The following CCDC110 variants were observed in gnomAD, a reference collection of about 807,000 sequenced individuals.
CCDC110 encodes the protein coiled-coil domain-containing protein 110.
A neutral mutation model predicts 77.1 loss-of-function variants in CCDC110; 70 were observed. The ratio of observed to expected loss-of-function variants is 0.91; its 90% CI spans 0.75 to 1.11. The LOEUF (loss-of-function observed/expected upper bound fraction) is 1.11, where lower values mean the gene tolerates loss of function less well. CCDC110 is among the 50% of genes least tolerant of loss of function. CCDC110 has a pLI of 0.00. For synonymous variants in CCDC110, 295 were observed against 312.5 expected, an observed-to-expected ratio of 0.94 and a Z score of 0.59; for missense variants, 868 against 942.9, an observed-to-expected ratio of 0.92 and a Z score of 1.04.
intron 6 of CCDC110, among the ~76,000 whole-genome samples, chr4:185,454,675 C>G (rs2095633688): frequency 2.0e-5 from 3 of 152,056 alleles, no homozygotes; most frequent in African/African-American, 4.8e-5. Flanking sequence ...GATCAGGCCA[C>G]TGCACTCCAG....
At position 185,471,665 on chromosome 4, in the gene CCDC110, A is replaced by T. The variant is rs1484359746; in HGVS notation, c.10+9T>A. The T allele has an allele frequency of 6.4e-7, 1 of 1,560,384 alleles. No individual in the cohort carries two copies. The highest frequency in any genetic ancestry group is 8.6e-7 in the Non-Finnish European group (1 of 1,157,586). ...CTCCCCTAGGAGCCCCGCCCCGTCCAACTCTTACCCGGGCTCATCGCCGCG... is the reference window on the plus strand; with the variant it reads ...CTCCCCTAGGAGCCCCGCCCCGTCCTACTCTTACCCGGGCTCATCGCCGCG... On this transcript the variant is annotated intron_variant, in intron 1 of 6. Coordinates refer to ENST00000307588, the MANE Select transcript of CCDC110 (RefSeq NM_152775.4).
Position 185,459,535 on chromosome 4 carries a change from C to A in CCDC110, c.1052G>T (p.Gly351Val). The A allele has an allele frequency of 6.2e-7, 1 of 1,612,886 alleles. No individual in the cohort carries two copies. Among genetic ancestry groups the A allele is most frequent in the South Asian group, 1.1e-5 (1 of 90,894 alleles). ...KKLSKSEMHR[G>V]KKNEKNNKEI... ...TTTATTGTTTTTCTCATTTTTCTTT[C>A]CCCTGTGCATTTCACTCTTAGATAA... Residue 351 changes from glycine (G) to valine (V), a missense_variant, in exon 6 of 7, where the codon GGA becomes GTA. Gly to Val is a moderately radical substitution (Grantham distance 109, BLOSUM62 -3). Transcript: ENST00000307588.
At position 185,464,838 on chromosome 4, in the gene CCDC110, A is replaced by AT. The variant is rs201233841; in HGVS notation, c.116-1790dup. Reference sequence around the variant, plus strand: ...AGTGGAAATTATTTCTAGTATTTGGATTTTTTTTTACTACATGAGAGATAT... The same window carrying AT: ...AGTGGAAATTATTTCTAGTATTTGGATTTTTTTTTTACTACATGAGAGATAT... On this transcript the variant is annotated intron_variant, in intron 2 of 6. Transcript: ENST00000307588. Among the ~76,000 whole-genome samples, 428 of 151,832 alleles carry AT rather than the reference A, an allele frequency of 2.8e-3. 1 individual carries two copies. The highest frequency in any genetic ancestry group is 9.4e-3 in the African/African-American group (388 of 41,448).
chr4:185,452,910 A>G (rs970242169), intron 6 of CCDC110, among the ~76,000 whole-genome samples: 50 of 145,762 alleles, frequency 3.4e-4, no homozygotes, highest in African/African-American at 5.7e-4. Flanking sequence ...AAAAAAAAAA[A>G]AGCCAGGTTC....
chr4:185,459,964 G>A lies in CCDC110; in HGVS notation c.623C>T (p.Pro208Leu), dbSNP rs1011208413. The stretch of plus-strand genomic sequence containing the variant: ...ATCAGCTTGAGACATCACATTTGGA[G>A]GTGCAGTAGGTAGAAAACGATAAAA... ...NNFYRFLPTA[P>L]PNVMSQADTV... The change falls in exon 6 of 7, where the codon CCT (proline) becomes CTT (leucine). Residue 208 changes from proline (P) to leucine (L), a missense_variant. Pro to Leu is a moderately conservative substitution (Grantham distance 98). Coordinates refer to ENST00000307588, the MANE Select transcript of CCDC110 (RefSeq NM_152775.4). 1.9e-6 allele frequency: 3 copies of A among 1,613,536 alleles called. No homozygotes were observed. Among genetic ancestry groups the A allele is most frequent in the Non-Finnish European group, 2.5e-6 (3 of 1,179,748 alleles).
rs187410725 is a variant in CCDC110 at position 185,452,384 on chromosome 4, G to A, written c.2461+5742C>T. The A allele has an allele frequency of 2.0e-4, 200 of 985,308 alleles. No individual in the cohort carries two copies. In the African/African-American group the frequency reaches 3.2e-3, roughly 16 times the overall value. 61.0% of individuals were successfully genotyped at this position (985,308 alleles called of 1,614,324 possible). On this transcript the variant is annotated intron_variant, in intron 6 of 6. Transcript: ENST00000307588. ...GTTCAAGGCTCAAATCTGAAACAAT[G>A]ATTGTGGATGTTGACATAACATGGA...
chr4:185,449,770 C>T, intron 6 of CCDC110: 1 of 545,066 alleles, frequency 1.8e-6, no homozygotes, highest in South Asian at 3.2e-5. Flanking sequence ...AATTCTGCAA[C>T]TCTAATTCTC....
At position 185,459,821 on chromosome 4, in the gene CCDC110, G is replaced by A; in HGVS notation, c.766C>T (p.His256Tyr). The A allele has an allele frequency of 1.2e-6, 2 of 1,613,464 alleles. No homozygotes were observed. The highest frequency in any genetic ancestry group is 1.7e-6 in the Non-Finnish European group (2 of 1,179,848). ...TTTGTAAGTGCCACTTCCCCATCAT[G>A]TGACTTTTGAAGCTCTTCTTTCATT... Reference protein sequence around the residue: ...KQMKEELQKSHDGEVALTNEL... With the variant: ...KQMKEELQKSYDGEVALTNEL... Residue 256 changes from histidine to tyrosine, a missense_variant, in exon 6 of 7, where the codon CAT becomes TAT. By Grantham distance (83) the His-to-Tyr change is moderately conservative (BLOSUM62 2). Transcript: ENST00000307588.
At chr4:185,470,560 A>G in intron 2 of CCDC110, 1 of 417,984 alleles carries the variant, frequency 2.4e-6, no homozygotes, top group Non-Finnish European at 4.8e-6. Context: ...TGTGTGTCCA[A>G]AAAACTCAAC....
chr4:185,460,126 A>G lies in CCDC110; in HGVS notation c.461T>C (p.Leu154Pro). Reference sequence around the variant, plus strand: ...GGATGGAACATTTACACTTTGAGGGAGACTGTTCACACTATCACCACTTAA... The same window carrying G: ...GGATGGAACATTTACACTTTGAGGGGGACTGTTCACACTATCACCACTTAA... ...EKLSGDSVNSLPQSVNVPSQI... is the reference protein window; with the variant it reads ...EKLSGDSVNSPPQSVNVPSQI... The change falls in exon 6 of 7, where the codon CTC becomes CCC. Residue 154 changes from leucine (L) to proline (P), a missense_variant. Transcript: ENST00000307588. 1 of 1,613,518 alleles carries G rather than the reference A, an allele frequency of 6.2e-7. No homozygotes were observed. The highest frequency in any genetic ancestry group is 8.5e-7 in the Non-Finnish European group (1 of 1,179,878).
At chr4:185,455,798 G>A (rs1388929026) in intron 6 of CCDC110, among the ~76,000 whole-genome samples, 4 of 152,086 alleles carry the variant, frequency 2.6e-5, no homozygotes, top group Non-Finnish European at 5.9e-5. Context: ...CAGGAGAATT[G>A]CTGGAACCCA....
intron 6 of CCDC110, 69 bp from the exon 7 acceptor site, chr4:185,445,611 A>G: frequency 2.9e-6 from 3 of 1,018,796 alleles, no homozygotes; most frequent in Non-Finnish European, 4.4e-6. Context: ...GAGAAAAAGT[A>G]TATTATCAAG....
intron 6 of CCDC110, among the ~76,000 whole-genome samples, chr4:185,454,906 G>T (rs1232247983): frequency 6.6e-6 from 1 of 151,998 alleles, no homozygotes; most frequent in Non-Finnish European, 1.5e-5. Context: ...GGGACTACAG[G>T]TATGTACCAC....
intron 6 of CCDC110, among the ~76,000 whole-genome samples, chr4:185,450,951 C>T (rs1487284746): frequency 6.6e-6 from 1 of 151,976 alleles, no homozygotes; most frequent in African/African-American, 2.4e-5. Flanking sequence ...GTGTCCCCAC[C>T]CAAATCTCAT....
chr4:185,451,018 A>T (rs1289946711), intron 6 of CCDC110, among the ~76,000 whole-genome samples: 1 of 152,078 alleles, frequency 6.6e-6, no homozygotes, highest in Non-Finnish European at 1.5e-5. Flanking sequence ...GGTAGGAGTT[A>T]ATTCAATCAT....
chr4:185,456,575 A>G (rs2153319785), intron 6 of CCDC110, among the ~76,000 whole-genome samples: 1 of 152,342 alleles, frequency 6.6e-6, no homozygotes, highest in African/African-American at 2.4e-5. Flanking sequence ...GGACATCGCT[A>G]CAAGTCCTTT....
intron 6 of CCDC110, chr4:185,452,472 AAGTT>A (rs1452353621): frequency 2.4e-5 from 16 of 678,032 alleles, no homozygotes; most frequent in Non-Finnish European, 2.9e-5. Flanking sequence ...ACTGGAGAGA[AAGTT>A]AAGCAGTAGC....
chr4:185,445,187 T>C lies in CCDC110; in HGVS notation c.*315A>G. The C allele has an allele frequency of 1.4e-6, 2 of 1,379,760 alleles. No individual in the cohort carries two copies. The highest frequency in any genetic ancestry group is 2.0e-6 in the Non-Finnish European group (2 of 1,007,048). The allele number at this position is 1,379,760 out of a possible 1,614,324, so 85.5% of individuals were successfully genotyped here. A position where few individuals can be genotyped will look rare whatever the true frequency, so the allele number is the denominator to read the frequency against. ...AAGAAAAAATTGTTTCCAACTTTTA[T>C]ACTTCTTCAAAATAGTATCTTTTAT... On this transcript the variant is annotated 3_prime_UTR_variant, in exon 7 of 7. Transcript: ENST00000307588.
In CCDC110 at chr4:185,458,160, A is replaced by G. The variant is rs777761796; in HGVS notation, c.2427T>C (p.Ser809=). The G allele has an allele frequency of 6.3e-7, 1 of 1,587,398 alleles. No homozygotes were observed. The highest frequency in any genetic ancestry group is 1.2e-5 in the South Asian group (1 of 85,330). ...FDNYTHEDTS[S]PQSRPLASDL... The stretch of plus-strand genomic sequence containing the variant: ...CCGAAGCCAAAGGCCTACTCTGAGG[A>G]CTAGAAGTATCTTCGTGAGTATAGT... The change falls in exon 6 of 7, where the codon AGT becomes AGC. Residue 809 remains serine, a synonymous_variant. Coordinates refer to ENST00000307588, the MANE Select transcript of CCDC110 (RefSeq NM_152775.4).
Sources: allele counts gnomAD v4.1 joint callset (sites outside exome capture counted in the v4.1 genomes callset), GRCh38; gene constraint gnomAD v4.1.1; transcripts MANE v1.5; gene names NCBI Gene and HGNC (gene_info 2026-07-23, HGNC 2026-07-21).